Variants in THUMPD2 observed in about 807,000 individuals in gnomAD.
THUMPD2 encodes U6 snRNA (guanine-N(2))-methyltransferase THUMPD2.
In THUMPD2, 56 loss-of-function variants were observed where a neutral mutation model predicts 49.4. That is an observed-to-expected ratio of 1.13 (90% CI 0.91 to 1.41). The LOEUF (loss-of-function observed/expected upper bound fraction) is 1.41, where lower values mean the gene tolerates loss of function less well. Ranked by LOEUF, THUMPD2 falls within the 40% of genes most tolerant of loss-of-function variation. The pLI is 0.00. For missense variants in THUMPD2, 709 were observed against 594.5 expected (o/e 1.19, Z -2.00); for synonymous variants, 237 against 205.2 (o/e 1.15, Z -1.32).
At chr2:39,757,474 C>G (rs921852101) in intron 6 of THUMPD2, 10 of 1,194,572 alleles carry the variant, frequency 8.4e-6, no homozygotes, top group Non-Finnish European at 1.1e-5. Flanking sequence ...CAGTAAGGAG[C>G]AGAAGGAAAA....
intron 8 of THUMPD2, among the ~76,000 whole-genome samples, chr2:39,753,339 C>T (rs1384321965): frequency 6.6e-6 from 1 of 152,102 alleles, no homozygotes; most frequent in African/African-American, 2.4e-5. Flanking sequence ...ATCTTTCTTC[C>T]CCGGATTTTT....
intron 1 of THUMPD2, among the ~76,000 whole-genome samples, chr2:39,775,033 G>A (rs1460449326): frequency 2.6e-5 from 4 of 152,174 alleles, no homozygotes; most frequent in Admixed American, 6.5e-5. Flanking sequence ...TAATTCCAGT[G>A]CTTTGGGAGG....
chr2:39,753,257 C>G lies in THUMPD2; in HGVS notation c.1078+2038G>C, dbSNP rs1214824002. Among the ~76,000 whole-genome samples the G allele has an allele frequency of 2.0e-5, 3 of 152,166 alleles. No homozygotes were observed. The East Asian group carries it at 5.8e-4, about 29-fold the overall frequency. On this transcript the variant is annotated intron_variant, in intron 8 of 9. Coordinates refer to ENST00000505747, the MANE Select transcript of THUMPD2 (RefSeq NM_025264.5). ...TCTCTCAAGAGCCCCTCCAGGGAAG[C>G]TGCCCTTGACTTCTGCAGTCACCAG...
chr2:39,765,047 G>A (rs1677319965), intron 5 of THUMPD2, among the ~76,000 whole-genome samples: 1 of 151,972 alleles, frequency 6.6e-6, no homozygotes. Context: ...TAAATAAGAA[G>A]CACAAAATTA....
At chr2:39,746,420 T>C (rs1224882147) in intron 8 of THUMPD2, among the ~76,000 whole-genome samples, 1 of 152,172 alleles carries the variant, frequency 6.6e-6, no homozygotes, top group African/African-American at 2.4e-5. Flanking sequence ...TGTCCCCATC[T>C]CCGTAGGTTT....
At chr2:39,750,760 G>A (rs1328014393) in intron 8 of THUMPD2, among the ~76,000 whole-genome samples, 2 of 152,124 alleles carry the variant, frequency 1.3e-5, no homozygotes, top group Admixed American at 6.6e-5. Context: ...ATAAATGCTA[G>A]ATCCCTCTAT....
At chr2:39,751,607 T>C (rs933151980) in intron 8 of THUMPD2, among the ~76,000 whole-genome samples, 2 of 152,168 alleles carry the variant, frequency 1.3e-5, no homozygotes, top group Admixed American at 6.5e-5. Context: ...AAACTTATAA[T>C]ATTCATTTGA....
Position 39,769,856 on chromosome 2 carries a change from C to G in THUMPD2, c.526G>C (p.Asp176His). Residue 176 changes from aspartate (D) to histidine (H), a missense_variant, in exon 3 of 10, where the codon GAT becomes CAT. By Grantham distance (81) the Asp-to-His change is moderately conservative. Transcript: ENST00000505747. ...QIKEETLEQR[D>H]FTTKSEKFQE... ...AACTTTTCGCTTTTAGTGGTAAAATCTCTTTGCTCCAGAGTTTCTTCTTTT... is the reference window on the plus strand; with the variant it reads ...AACTTTTCGCTTTTAGTGGTAAAATGTCTTTGCTCCAGAGTTTCTTCTTTT... 3 of 1,611,708 alleles carry G rather than the reference C, an allele frequency of 1.9e-6. No individual in the cohort carries two copies. Among genetic ancestry groups the G allele is most frequent in the Non-Finnish European group, 2.5e-6 (3 of 1,179,290 alleles).
chr2:39,750,986 A>T (rs1288686957), intron 8 of THUMPD2, among the ~76,000 whole-genome samples: 1 of 152,262 alleles, frequency 6.6e-6, no homozygotes, highest in Non-Finnish European at 1.5e-5. Context: ...ATAAAAAAGG[A>T]CTTATACCAT....
intron 9 of THUMPD2, among the ~76,000 whole-genome samples, chr2:39,740,675 TACCTC>T (rs2148166896): frequency 6.6e-6 from 1 of 151,810 alleles, no homozygotes; most frequent in Admixed American, 6.5e-5. Flanking sequence ...AGCTTGATCA[TACCTC>T]AAGCTACTGG....
At chr2:39,776,542 C>T (rs552933140) in intron 1 of THUMPD2, among the ~76,000 whole-genome samples, 65 of 152,004 alleles carry the variant, frequency 4.3e-4, no homozygotes, top group Non-Finnish European at 6.0e-4. Flanking sequence ...TACAGGTGTA[C>T]GCCACCACAC....
intron 1 of THUMPD2, among the ~76,000 whole-genome samples, chr2:39,776,545 C>T (rs1338055370): frequency 1.3e-5 from 2 of 151,976 alleles, no homozygotes; most frequent in African/African-American, 4.8e-5. Flanking sequence ...AGGTGTACGC[C>T]ACCACACCTG....
In THUMPD2 at chr2:39,767,380, G is replaced by A. The variant is rs1039509683; in HGVS notation, c.750+1044C>T. Among the ~76,000 whole-genome samples, 284 of 151,662 alleles carry A rather than the reference G, an allele frequency of 1.9e-3. 2 individuals carry two copies. The highest frequency in any genetic ancestry group is 6.4e-3 in the African/African-American group (264 of 41,314). The stretch of plus-strand genomic sequence containing the variant: ...AGCACTTTGGGAGGCCGAGGCGGGC[G>A]GATCACGAGGTCAGGAGATCGAGAC... On this transcript the variant is annotated intron_variant, in intron 4 of 9. Transcript: ENST00000505747.
Position 39,755,969 on chromosome 2 carries a change from A to C in THUMPD2, c.892-9T>G. 1 of 1,613,252 alleles carries C rather than the reference A, an allele frequency of 6.2e-7. No individual in the cohort carries two copies. On this transcript the variant is annotated splice_polypyrimidine_tract_variant and intron_variant, in intron 6 of 9. Transcript: ENST00000505747. Reference sequence around the variant, plus strand: ...AAAACAAATGCACCAGCCTGCAGACAGAAATATTAATTTGGTATTATTAAG... The same window carrying C: ...AAAACAAATGCACCAGCCTGCAGACCGAAATATTAATTTGGTATTATTAAG...
At chr2:39,744,759 A>G (rs776460472) in intron 8 of THUMPD2, 30 of 218,396 alleles carry the variant, frequency 1.4e-4, no homozygotes, top group Non-Finnish European at 2.2e-4. Flanking sequence ...AATTCTCTAA[A>G]TATATAGCTT....
At chr2:39,747,060 T>A (rs1447081201) in intron 8 of THUMPD2, among the ~76,000 whole-genome samples, 2 of 152,176 alleles carry the variant, frequency 1.3e-5, no homozygotes, top group East Asian at 3.9e-4. Flanking sequence ...GATTAAATAC[T>A]TTTCCCCAAA....
intron 8 of THUMPD2, among the ~76,000 whole-genome samples, chr2:39,750,913 T>A (rs1185724950): frequency 1.3e-5 from 2 of 152,202 alleles, no homozygotes; most frequent in African/African-American, 4.8e-5. Context: ...TCATTAAAAA[T>A]GCATTTTTAA....
intron 3 of THUMPD2, chr2:39,768,747 T>C: frequency 4.3e-6 from 3 of 704,944 alleles, no homozygotes; most frequent in Non-Finnish European, 6.6e-6. Context: ...ATCTCTATCC[T>C]TGTAATTTTA....
At chr2:39,752,756 T>C (rs1675582934) in intron 8 of THUMPD2, among the ~76,000 whole-genome samples, 1 of 152,234 alleles carries the variant, frequency 6.6e-6, no homozygotes, top group South Asian at 2.1e-4. Flanking sequence ...ATCTCAGTAG[T>C]AATGAAAGGT....
Sources: gnomAD v4.1 joint callset for allele counts (sites outside exome capture counted in the v4.1 genomes callset) on GRCh38, gnomAD v4.1.1 for gene constraint, MANE v1.5 for transcripts, NCBI Gene and HGNC (gene_info 2026-07-23, HGNC 2026-07-21) for gene names.